The following FAM227B variants were observed in gnomAD, a reference collection of about 807,000 sequenced individuals.
The protein encoded by FAM227B is protein FAM227B.
FAM227B carries 88 observed loss-of-function variants against 73.8 expected under a neutral mutation model. The ratio of observed to expected loss-of-function variants is 1.19; its 90% CI spans 1.00 to 1.42. The LOEUF (loss-of-function observed/expected upper bound fraction) is 1.42. Ranked by LOEUF, FAM227B falls within the 40% of genes most tolerant of loss-of-function variation. The pLI is 0.00. For synonymous variants in FAM227B, 210 were observed against 190.5 expected, an observed-to-expected ratio of 1.10 and a Z score of -0.84; for missense variants, 632 against 590.9, an observed-to-expected ratio of 1.07 and a Z score of -0.72.
At position 49,346,043 on chromosome 15, in the gene FAM227B, C is replaced by A. The variant is rs1329066646; in HGVS notation, c.1272-10547G>T. Among the ~76,000 whole-genome samples the A allele has an allele frequency of 2.3e-5, 3 of 133,186 alleles. No individual in the cohort carries two copies. In the East Asian group the frequency reaches 6.2e-4, roughly 27 times the overall value. 87.4% of individuals were successfully genotyped at this position (133,186 alleles called of 152,430 possible). A position where few individuals can be genotyped will look rare whatever the true frequency, so the allele number is the denominator to read the frequency against. On this transcript the variant is annotated intron_variant, in intron 13 of 15. Coordinates refer to ENST00000299338, the MANE Select transcript of FAM227B (RefSeq NM_152647.3). ...TGCCCTGCTTGCTTTTGGTCACTTG[C>A]TTTTGTTATTTTTTTTTTTTTTCCT...
intron 11 of FAM227B, among the ~76,000 whole-genome samples, chr15:49,418,614 C>G (rs1019205062): frequency 1.3e-5 from 2 of 151,934 alleles, no homozygotes; most frequent in African/African-American, 4.8e-5. Flanking sequence ...TGGACACAAA[C>G]AGAGAACAAC....
intron 11 of FAM227B, among the ~76,000 whole-genome samples, chr15:49,457,551 C>T (rs1182491157): frequency 6.6e-6 from 1 of 151,746 alleles, no homozygotes; most frequent in Non-Finnish European, 1.5e-5. Context: ...TATCAAATTC[C>T]TTAGAGAACA....
chr15:49,353,574 G>C (rs1376379464), intron 13 of FAM227B: 1 of 149,882 alleles, frequency 6.7e-6, no homozygotes, highest in Non-Finnish European at 1.5e-5. Context: ...ATAATTTTAT[G>C]ACATTGACAC....
chr15:49,407,284 C>T (rs537271127), intron 11 of FAM227B, among the ~76,000 whole-genome samples: 1 of 152,300 alleles, frequency 6.6e-6, no homozygotes, highest in Admixed American at 6.5e-5. Flanking sequence ...TGGTGAGAGC[C>T]GGTTGCTCCT....
At chr15:49,414,138 A>G (rs1425173148) in intron 11 of FAM227B, among the ~76,000 whole-genome samples, 2 of 152,094 alleles carry the variant, frequency 1.3e-5, no homozygotes, top group Admixed American at 6.6e-5. Flanking sequence ...TCGAATACAG[A>G]GTAAGTGTTG....
At chr15:49,476,220 T>C (rs2055267579) in intron 11 of FAM227B, among the ~76,000 whole-genome samples, 1 of 117,400 alleles carries the variant, frequency 8.5e-6, no homozygotes, top group African/African-American at 3.1e-5. Flanking sequence ...CTGTTTTGTT[T>C]TTTTGTTTTT....
At chr15:49,427,752 A>T (rs532409387) in intron 11 of FAM227B, among the ~76,000 whole-genome samples, 2 of 151,956 alleles carry the variant, frequency 1.3e-5, no homozygotes, top group African/African-American at 4.8e-5. Flanking sequence ...ACTAGTAAAT[A>T]TGGATTGGAG....
intron 11 of FAM227B, among the ~76,000 whole-genome samples, chr15:49,378,911 A>G (rs1013350395): frequency 2.0e-5 from 3 of 152,184 alleles, no homozygotes; most frequent in Non-Finnish European, 2.9e-5. Flanking sequence ...TCCTCACTCA[A>G]TATAATACTA....
intron 11 of FAM227B, among the ~76,000 whole-genome samples, chr15:49,467,457 A>T (rs1189276504): frequency 1.3e-5 from 2 of 151,902 alleles, no homozygotes; most frequent in Non-Finnish European, 2.9e-5. Context: ...CTTACCTCTC[A>T]TCCTATGTAA....
intron 9 of FAM227B, among the ~76,000 whole-genome samples, chr15:49,549,979 C>T (rs1315385640): frequency 9.5e-6 from 1 of 104,742 alleles, no homozygotes; most frequent in African/African-American, 2.8e-5. Flanking sequence ...CCCCACCTCC[C>T]TCCCAGACGG....
At chr15:49,602,114 GA>G (rs1238234499) in intron 3 of FAM227B, among the ~76,000 whole-genome samples, 17 of 152,160 alleles carry the variant, frequency 1.1e-4, no homozygotes, top group African/African-American at 3.9e-4. Flanking sequence ...TGGGAGTGCA[GA>G]TATCTCTTTG....
chr15:49,442,625 T>A (rs1433776974), intron 11 of FAM227B, among the ~76,000 whole-genome samples: 1 of 151,652 alleles, frequency 6.6e-6, no homozygotes, highest in Admixed American at 6.6e-5. Flanking sequence ...TTGCATAGAG[T>A]AGTTACTCAC....
At chr15:49,501,014 C>T (rs147233135) in intron 11 of FAM227B, among the ~76,000 whole-genome samples, 11 of 152,284 alleles carry the variant, frequency 7.2e-5, no homozygotes, top group Admixed American at 2.6e-4. Flanking sequence ...ATGCCAGCAC[C>T]GTGCTTCCTG....
intron 11 of FAM227B, chr15:49,422,451 A>G: frequency 9.5e-7 from 1 of 1,056,390 alleles, no homozygotes; most frequent in African/African-American, 1.6e-5. Flanking sequence ...TGAGGCAAAA[A>G]TCAAACACTG....
intron 11 of FAM227B, among the ~76,000 whole-genome samples, chr15:49,444,070 G>A (rs771124986): frequency 6.6e-6 from 1 of 151,690 alleles, no homozygotes; most frequent in South Asian, 2.1e-4. Context: ...AAGGATGCAA[G>A]GTCACCTTTC....
chr15:49,590,455 A>G (rs2076456061), intron 3 of FAM227B, among the ~76,000 whole-genome samples: 2 of 152,230 alleles, frequency 1.3e-5, no homozygotes, highest in Admixed American at 6.5e-5. Flanking sequence ...GGTCCCTTTC[A>G]GTCTACGACA....
chr15:49,458,306 C>A (rs551495746), intron 11 of FAM227B, among the ~76,000 whole-genome samples: 1 of 152,086 alleles, frequency 6.6e-6, no homozygotes, highest in Non-Finnish European at 1.5e-5. Context: ...CCAAATAGTA[C>A]ATTTAAATAG....
chr15:49,504,026 C>A (rs1372609714), intron 11 of FAM227B, among the ~76,000 whole-genome samples: 2 of 152,012 alleles, frequency 1.3e-5, no homozygotes, highest in Non-Finnish European at 2.9e-5. Flanking sequence ...GGAGCCAAGC[C>A]AAATGTCCAA....
At chr15:49,396,430 G>A (rs1214705693) in intron 11 of FAM227B, 13 of 201,718 alleles carry the variant, frequency 6.4e-5, no homozygotes, top group South Asian at 1.3e-4. Context: ...AGGGGCGCCC[G>A]CCATTGCCCA....
Sources: gnomAD v4.1 joint callset for allele counts (sites outside exome capture counted in the v4.1 genomes callset) on GRCh38, gnomAD v4.1.1 for gene constraint, MANE v1.5 for transcripts, NCBI Gene and HGNC (gene_info 2026-07-23, HGNC 2026-07-21) for gene names.